The following ENPP1 variants were observed in gnomAD, a reference collection of about 807,000 sequenced individuals.
The protein encoded by ENPP1 is ectonucleotide pyrophosphatase/phosphodiesterase family member 1.
Under a neutral mutation model 122.8 loss-of-function variants are expected in ENPP1, and 73 were observed. The observed-to-expected ratio is 0.59, with a 90% CI of 0.49 to 0.72. ENPP1 has a LOEUF of 0.72. ENPP1 is among the 30% of genes least tolerant of loss of function. The pLI is 0.00. For synonymous variants in ENPP1, 367 were observed against 391.6 expected (o/e 0.94, Z 0.74); for missense variants, 978 against 1,128.1 (o/e 0.87, Z 1.91).
rs1782452859 is a variant in ENPP1 at position 131,890,393 on chromosome 6, C to T, written c.2660C>T (p.Ala887Val). 1.9e-6 allele frequency: 3 copies of T among 1,613,238 alleles called. No individual in the cohort carries two copies. The highest frequency in any genetic ancestry group is 1.7e-6 in the Non-Finnish European group (2 of 1,179,180). ...WVEELLMLHR[A>V]RITDVEHITG... ...GAAGAATTGTTAATGTTACACAGAGCACGGATCACAGATGTTGAGCACATC... is the reference window on the plus strand; with the variant it reads ...GAAGAATTGTTAATGTTACACAGAGTACGGATCACAGATGTTGAGCACATC... The change falls in exon 25 of 25, where the codon GCA becomes GTA. Residue 887 changes from alanine (A) to valine (V), a missense_variant. Ala to Val is a moderately conservative substitution (Grantham distance 64). Around this residue, in one of 3 missense-constraint regions of ENPP1, gnomAD observed 644 missense variants for 781.5 expected, o/e 0.82. Transcript: ENST00000647893.
At chr6:131,811,198 A>G (rs1325962972) in intron 1 of ENPP1, among the ~76,000 whole-genome samples, 1 of 151,938 alleles carries the variant, frequency 6.6e-6, no homozygotes, top group Non-Finnish European at 1.5e-5. Flanking sequence ...TTCTCCAGTT[A>G]GCTCCTCAAA....
Position 131,808,021 on chromosome 6 carries a change from G to A in ENPP1, c.-15G>A. On this transcript the variant is annotated 5_prime_UTR_variant, in exon 1 of 25. Coordinates refer to ENST00000647893, the MANE Select transcript of ENPP1 (RefSeq NM_006208.3). ...GGCGCGGCCGGGCAGCGGGGCCGGA[G>A]CGGCCGGGGCCACGATGGAGCGCGA... 3.1e-6 allele frequency: 3 copies of A among 977,264 alleles called. No homozygotes were observed. Among genetic ancestry groups the A allele is most frequent in the Non-Finnish European group, 3.6e-6 (3 of 825,990 alleles). The allele number at this position is 977,264 out of a possible 1,614,324, so 60.5% of individuals were successfully genotyped here.
intron 23 of ENPP1, among the ~76,000 whole-genome samples, chr6:131,885,375 T>C (rs1782364055): frequency 6.6e-6 from 1 of 152,230 alleles, no homozygotes; most frequent in African/African-American, 2.4e-5. Context: ...GATATGATCT[T>C]AATATATTGT....
Position 131,867,927 on chromosome 6 carries a change from C to CTTTT in ENPP1, c.1165-79_1165-76dup, listed in dbSNP as rs879176917. On this transcript the variant is annotated intron_variant, in intron 11 of 24. Transcript: ENST00000647893. The stretch of plus-strand genomic sequence containing the variant: ...TCTTTCTTTCTTTCTTTGTTTCTTT[C>CTTTT]TTTTTTTTTTTTTTTAACAGAGATA... 8.1e-5 allele frequency: 60 copies of CTTTT among 738,180 alleles called. No homozygotes were observed. In the South Asian group the frequency reaches 8.7e-4, roughly 11 times the overall value. The allele number at this position is 738,180 out of a possible 1,614,324, so 45.7% of individuals were successfully genotyped here. A position where few individuals can be genotyped will look rare whatever the true frequency, so the allele number is the denominator to read the frequency against.
At chr6:131,867,969 G>T in intron 11 of ENPP1, 49 bp from the exon 12 acceptor site, 2 of 1,060,692 alleles carry the variant, frequency 1.9e-6, no homozygotes, top group South Asian at 1.3e-5. Context: ...TGTATAAATA[G>T]CCATTAGTGT....
At chr6:131,819,232 A>G (rs1781454761) in intron 1 of ENPP1, among the ~76,000 whole-genome samples, 1 of 152,244 alleles carries the variant, frequency 6.6e-6, no homozygotes, top group Admixed American at 6.5e-5. Context: ...AGATAGACTA[A>G]TGGATTTTAA....
intron 1 of ENPP1, among the ~76,000 whole-genome samples, chr6:131,817,870 C>T (rs928977600): frequency 4.1e-4 from 62 of 151,602 alleles, no homozygotes; most frequent in African/African-American, 1.3e-3. Context: ...ATTGTCACAG[C>T]GAATTGTCAC....
At chr6:131,832,517 G>C (rs1781626877) in intron 1 of ENPP1, among the ~76,000 whole-genome samples, 1 of 152,228 alleles carries the variant, frequency 6.6e-6, no homozygotes, top group African/African-American at 2.4e-5. Context: ...CAGGTGGGCA[G>C]GGAGCCATCT....
chr6:131,880,321 T>G (rs533267871), intron 20 of ENPP1, among the ~76,000 whole-genome samples: 1 of 152,240 alleles, frequency 6.6e-6, no homozygotes, highest in South Asian at 2.1e-4. Flanking sequence ...CTCAGCACTT[T>G]GGGAGGCCGA....
chr6:131,870,527 A>G (rs1396053269), intron 13 of ENPP1, among the ~76,000 whole-genome samples: 4 of 152,218 alleles, frequency 2.6e-5, no homozygotes, highest in Non-Finnish European at 4.4e-5. Context: ...TTAACTTTGA[A>G]ACAGAAAGAG....
Position 131,823,889 on chromosome 6 carries a change from T to C in ENPP1, c.240+15614T>C, listed in dbSNP as rs549109032. 1.3e-4 allele frequency among the ~76,000 whole-genome samples: 19 copies of C among 151,706 alleles called. No individual in the cohort carries two copies. In the South Asian group the frequency reaches 4.0e-3, roughly 32 times the overall value. ...CTTGCCTATTAAATGGGGATAATAG[T>C]AGTAGTACCTCACAGGTTTGTTTTG... On this transcript the variant is annotated intron_variant, in intron 1 of 24. Coordinates refer to ENST00000647893, the MANE Select transcript of ENPP1 (RefSeq NM_006208.3).
intron 24 of ENPP1, among the ~76,000 whole-genome samples, chr6:131,889,681 A>G (rs536468879): frequency 6.6e-6 from 1 of 152,322 alleles, no homozygotes; most frequent in Admixed American, 6.5e-5. Context: ...TTCTTGATCC[A>G]GTCTATCATT....
At chr6:131,835,131 C>T (rs749501781) in intron 1 of ENPP1, among the ~76,000 whole-genome samples, 81 of 152,212 alleles carry the variant, frequency 5.3e-4, no homozygotes, top group Non-Finnish European at 1.0e-3. Context: ...ATTATGGTCA[C>T]GATTTCACCA....
chr6:131,854,312 G>C (rs1364852871), intron 5 of ENPP1, among the ~76,000 whole-genome samples: 1 of 152,018 alleles, frequency 6.6e-6, no homozygotes, highest in Non-Finnish European at 1.5e-5. Context: ...ACTTGGGAGG[G>C]TGAGGCAGAA....
chr6:131,854,122 T>A (rs1781915507), intron 5 of ENPP1, among the ~76,000 whole-genome samples: 1 of 152,120 alleles, frequency 6.6e-6, no homozygotes, highest in Non-Finnish European at 1.5e-5. Flanking sequence ...ATACAGTATA[T>A]AGGCTTGGTG....
At chr6:131,827,058 T>C in intron 1 of ENPP1, 1 of 596,506 alleles carries the variant, frequency 1.7e-6, no homozygotes, top group Non-Finnish European at 3.1e-6. Context: ...AGACGGCAGC[T>C]TCACCTCCAG....
intron 13 of ENPP1, among the ~76,000 whole-genome samples, 171 bp from the exon 14 acceptor site, chr6:131,871,899 A>ATCTTT (rs1218188699): frequency 1.3e-5 from 2 of 152,192 alleles, no homozygotes; most frequent in African/African-American, 4.8e-5. Flanking sequence ...GTGATCCCTA[A>ATCTTT]AGGTCTGTCT....
intron 1 of ENPP1, chr6:131,826,365 G>C (rs9372998): frequency 0.1 from 116,799 of 1,128,330 alleles, 6,941 homozygotes; most frequent in South Asian, 0.2. Context: ...TGCTGCATAG[G>C]AAAAGCTGCT....
Position 131,890,615 on chromosome 6 carries a change from G to C in ENPP1, c.*104G>C, listed in dbSNP as rs1782456334. The C allele has an allele frequency of 9.5e-7, 1 of 1,055,736 alleles. No homozygotes were observed. The highest frequency in any genetic ancestry group is 1.5e-6 in the Non-Finnish European group (1 of 684,682). 65.4% of individuals were successfully genotyped at this position (1,055,736 alleles called of 1,614,324 possible). A position where few individuals can be genotyped will look rare whatever the true frequency, so the allele number is the denominator to read the frequency against. On this transcript the variant is annotated 3_prime_UTR_variant, in exon 25 of 25. Transcript: ENST00000647893. ...CATTGTTCAGAAACTGTCGACCAGA[G>C]TTAGAACGGAGCCCTCGGTGATGCG...
Sources: allele counts gnomAD v4.1 joint callset (sites outside exome capture counted in the v4.1 genomes callset), GRCh38; gene constraint gnomAD v4.1.1; regional missense constraint gnomAD v4.1.1; transcripts MANE v1.5; gene names NCBI Gene and HGNC (gene_info 2026-07-23, HGNC 2026-07-21).